GLIS3: variants seen among roughly 807,000 people sequenced by gnomAD.
GLIS3 encodes zinc finger protein GLIS3.
Under a neutral mutation model 78.6 loss-of-function variants are expected in GLIS3, and 53 were observed. The ratio of observed to expected loss-of-function variants is 0.67; its 90% CI spans 0.54 to 0.85. The LOEUF is 0.85. Ranked by LOEUF, GLIS3 falls within the 40% of genes least tolerant of loss-of-function variation. The pLI is 0.00. For missense variants in GLIS3, 1,703 were observed against 1,231.1 expected (o/e 1.38, Z -5.74); for synonymous variants, 684 against 509.9 (o/e 1.34, Z -4.60).
the GLIS3 span, among the ~76,000 whole-genome samples, chr9:4,437,426 A>ATCTATCTATCTATCTATCTG: frequency 5.0e-4 from 33 of 65,680 alleles, no homozygotes; most frequent in African/African-American, 1.2e-3. Flanking sequence ...GTATGTATCT[A>ATCTATCTATCTATCTATCTG]TCTATCTATC....
intron 2 of GLIS3, among the ~76,000 whole-genome samples, chr9:4,323,392 T>C (rs984874218): frequency 6.6e-6 from 1 of 151,962 alleles, no homozygotes; most frequent in African/African-American, 2.4e-5. Flanking sequence ...ATGCTGTGTA[T>C]AGTCTCTAGA....
intron 2 of GLIS3, among the ~76,000 whole-genome samples, chr9:4,310,821 T>C (rs1817340478): frequency 1.3e-5 from 2 of 152,198 alleles, no homozygotes; most frequent in South Asian, 4.1e-4. Flanking sequence ...TCTGCCCACA[T>C]CCTTCTGAAA....
intron 8 of GLIS3, among the ~76,000 whole-genome samples, chr9:3,872,397 T>C (rs772131544): frequency 1.3e-5 from 2 of 152,244 alleles, no homozygotes; most frequent in Admixed American, 6.5e-5. Context: ...TCTGTTTTCA[T>C]GCTACTGTTA....
At chr9:4,271,613 C>T (rs980657636) in intron 2 of GLIS3, among the ~76,000 whole-genome samples, 13 of 152,110 alleles carry the variant, frequency 8.5e-5, no homozygotes, top group African/African-American at 2.9e-4. Flanking sequence ...GGCTGTACAC[C>T]CTCCTCTTAG....
chr9:3,982,349 T>G (rs1588380455), intron 4 of GLIS3, among the ~76,000 whole-genome samples: 1 of 152,112 alleles, frequency 6.6e-6, no homozygotes, highest in Non-Finnish European at 1.5e-5. Flanking sequence ...GAAGACACCA[T>G]CTCTCCCACA....
At chr9:4,057,988 T>C (rs563065619) in intron 4 of GLIS3, among the ~76,000 whole-genome samples, 1 of 152,212 alleles carries the variant, frequency 6.6e-6, no homozygotes, top group Non-Finnish European at 1.5e-5. Flanking sequence ...TTCTGGGTTT[T>C]AGAACTCAAA....
chr9:4,438,577 T>C, the GLIS3 span, among the ~76,000 whole-genome samples: 1 of 152,220 alleles, frequency 6.6e-6, no homozygotes, highest in South Asian at 2.1e-4. Flanking sequence ...ACTTTGCATG[T>C]TGACATGGTT....
rs568147470 is a variant in GLIS3 at position 4,211,054 on chromosome 9, C to T, written c.388+74984G>A. Among the ~76,000 whole-genome samples the T allele has an allele frequency of 1.2e-4, 18 of 152,292 alleles. No homozygotes were observed. The South Asian group carries it at 3.1e-3, about 26-fold the overall frequency. On this transcript the variant is annotated intron_variant, in intron 2 of 10. Transcript: ENST00000381971. ...TGCAAGGTTAGGCTGTGATTTCCTA[C>T]GGATTAAACAGGCGCCCTCAACAAG...
the GLIS3 span, among the ~76,000 whole-genome samples, chr9:4,443,558 G>C: frequency 6.6e-6 from 1 of 152,172 alleles, no homozygotes; most frequent in African/African-American, 2.4e-5. Context: ...CCCATTTAAG[G>C]AGACTAACAT....
At chr9:3,988,035 T>G (rs1819915516) in intron 4 of GLIS3, among the ~76,000 whole-genome samples, 1 of 152,028 alleles carries the variant, frequency 6.6e-6, no homozygotes, top group African/African-American at 2.4e-5. Context: ...ACTTGATGAT[T>G]TGGTATATGT....
chr9:4,286,063 G>T lies in GLIS3; in HGVS notation c.363C>A (p.Ser121Arg). The T allele has an allele frequency of 1.2e-6, 2 of 1,613,824 alleles. No homozygotes were observed. The highest frequency in any genetic ancestry group is 1.7e-6 in the Non-Finnish European group (2 of 1,179,884). The change falls in exon 2 of 11, where the codon AGC becomes AGA. Residue 121 changes from serine to arginine, a missense_variant. Physicochemically the swap from Ser to Arg is moderately radical, Grantham distance 110 (BLOSUM62 -1). Coordinates refer to ENST00000381971, the MANE Select transcript of GLIS3 (RefSeq NM_001042413.2). ...CTTTCCCAGGATTTGGAGGAAAAGG[G>T]CTTCCAAACTCCTGCTGCTTTGGCT... is the stretch of plus-strand genomic sequence containing the variant. The part of the protein sequence containing the change: ...TLKPKQQEFG[S>R]PFPPNPGKGA...
the GLIS3 span, among the ~76,000 whole-genome samples, chr9:4,407,790 T>C: frequency 6.6e-6 from 1 of 152,150 alleles, no homozygotes; most frequent in Non-Finnish European, 1.5e-5. Flanking sequence ...AAAAAGCTTC[T>C]GCACAACAAA....
chr9:3,978,987 G>A (rs1345787888), intron 4 of GLIS3, among the ~76,000 whole-genome samples: 1 of 152,164 alleles, frequency 6.6e-6, no homozygotes, highest in East Asian at 1.9e-4. Flanking sequence ...TATACAGGAT[G>A]TGTGTAGGTT....
At chr9:3,840,609 C>A (rs1434557635) in intron 9 of GLIS3, among the ~76,000 whole-genome samples, 2 of 152,160 alleles carry the variant, frequency 1.3e-5, no homozygotes, top group Non-Finnish European at 2.9e-5. Flanking sequence ...GAAATAATAA[C>A]CCTGAAAATT....
chr9:3,997,576 T>C (rs1027612886), intron 4 of GLIS3, among the ~76,000 whole-genome samples: 2 of 151,970 alleles, frequency 1.3e-5, no homozygotes, highest in Non-Finnish European at 2.9e-5. Context: ...TAAAAATATA[T>C]ACATCATGAC....
At chr9:3,920,610 T>TG (rs945901256) in intron 6 of GLIS3, among the ~76,000 whole-genome samples, 1 of 2,612 alleles carries the variant, frequency 3.8e-4, no homozygotes, top group Non-Finnish European at 7.2e-4. Context: ...AAAGAACAGG[T>TG]TTTTTTTTTT....
chr9:4,219,379 G>A (rs1020437928), intron 2 of GLIS3, among the ~76,000 whole-genome samples: 2 of 152,198 alleles, frequency 1.3e-5, no homozygotes, highest in Admixed American at 6.5e-5. Context: ...GGGTAATCTG[G>A]ACACTCACAG....
At chr9:4,311,931 A>T (rs1269661125) in intron 2 of GLIS3, among the ~76,000 whole-genome samples, 1 of 145,224 alleles carries the variant, frequency 6.9e-6, no homozygotes, top group African/African-American at 2.4e-5. Flanking sequence ...AAACTACATG[A>T]TGAGGACACG....
intron 4 of GLIS3, among the ~76,000 whole-genome samples, chr9:4,032,262 T>A (rs902749021): frequency 1.1e-4 from 17 of 152,216 alleles, no homozygotes; most frequent in Non-Finnish European, 1.5e-5. Context: ...GGGGCTGGTT[T>A]CAGCGGAATA....
Sources: allele counts gnomAD v4.1 joint callset (sites outside exome capture counted in the v4.1 genomes callset), GRCh38; gene constraint gnomAD v4.1.1; transcripts MANE v1.5; gene names NCBI Gene and HGNC (gene_info 2026-07-23, HGNC 2026-07-21).